CUL1: variants seen among roughly 807,000 people sequenced by gnomAD.
CUL1 encodes cullin-1.
Under a neutral mutation model 118.0 loss-of-function variants are expected in CUL1, and 24 were observed. The ratio of observed to expected loss-of-function variants is 0.20; its 90% CI spans 0.15 to 0.29. The LOEUF (loss-of-function observed/expected upper bound fraction) is 0.29. CUL1 is among the 10% of genes least tolerant of loss of function. The pLI is 1.00. For missense variants in CUL1, 361 were observed against 933.8 expected (o/e 0.39, Z 7.99); for synonymous variants, 332 against 340.4 (o/e 0.98, Z 0.27).
intron 2 of CUL1, among the ~76,000 whole-genome samples, chr7:148,737,992 C>T (rs1242323431): frequency 6.6e-6 from 1 of 152,104 alleles, no homozygotes; most frequent in Non-Finnish European, 1.5e-5. Flanking sequence ...CTTCTTAAGT[C>T]GCATTTGGGA....
At chr7:148,781,101 T>TTTTTTTTTG (rs1800614942) in intron 9 of CUL1, among the ~76,000 whole-genome samples, 1 of 147,796 alleles carries the variant, frequency 6.8e-6, no homozygotes, top group African/African-American at 2.5e-5. Flanking sequence ...TTTTTTTTTT[T>TTTTTTTTTG]GACAGAGTCT....
chr7:148,718,745 T>G (rs1563149055), intron 1 of CUL1, among the ~76,000 whole-genome samples: 1 of 152,114 alleles, frequency 6.6e-6, no homozygotes, highest in Non-Finnish European at 1.5e-5. Flanking sequence ...GGGGTAGATA[T>G]CTGGTAGAAT....
chr7:148,789,921 T>G (rs767137922), intron 15 of CUL1, 95 bp downstream of exon 15: 248 of 1,136,304 alleles, frequency 2.2e-4, no homozygotes, highest in Non-Finnish European at 3.1e-4. Flanking sequence ...GCAGATGGCC[T>G]TCCTGCTGGC....
intron 2 of CUL1, among the ~76,000 whole-genome samples, chr7:148,730,784 A>G (rs750294477): frequency 2.6e-5 from 4 of 152,150 alleles, no homozygotes; most frequent in Non-Finnish European, 5.9e-5. Flanking sequence ...GGGATAGGAC[A>G]TCGAGCAAAA....
intron 2 of CUL1, 124 bp from the exon 3 acceptor site, chr7:148,753,852 A>G: frequency 1.5e-6 from 1 of 670,828 alleles, no homozygotes; most frequent in South Asian, 2.4e-5. Context: ...GTTCCATTCT[A>G]GTTTTTAACA....
At chr7:148,721,451 C>T (rs1254865754) in intron 1 of CUL1, among the ~76,000 whole-genome samples, 1 of 151,960 alleles carries the variant, frequency 6.6e-6, no homozygotes, top group East Asian at 1.9e-4. Context: ...ACCTGTCTCT[C>T]AGCTTTTTTT....
At position 148,709,445 on chromosome 7, in the gene CUL1, G is replaced by C. The variant is rs74695711; in HGVS notation, c.-162+10416G>C. ...CCTCTAAAGTAAGTTTATTATATAT[G>C]AGTTCTTGACGATAACAAAACTATG... On this transcript the variant is annotated intron_variant, in intron 1 of 21. Coordinates refer to ENST00000325222, the MANE Select transcript of CUL1 (RefSeq NM_003592.3). Among the ~76,000 whole-genome samples, 532 of 152,302 alleles carry C rather than the reference G, an allele frequency of 3.5e-3. 5 individuals are homozygous for C. Among genetic ancestry groups the C allele is most frequent in the African/African-American group, 0.012 (504 of 41,538 alleles).
At position 148,757,014 on chromosome 7, in the gene CUL1, T is replaced by C. The variant is rs2129460448; in HGVS notation, c.347T>C (p.Leu116Pro). The change falls in exon 4 of 22, where the codon CTG (leucine) becomes CCG (proline). Residue 116 changes from leucine to proline, a missense_variant. This residue lies in a region of CUL1 where 49 missense variants were observed against 67.4 expected (regional missense o/e 0.73). Coordinates refer to ENST00000325222, the MANE Select transcript of CUL1 (RefSeq NM_003592.3). Reference protein sequence around the residue: ...DGEDLMDESVLKFYTQQWEDY... With the variant: ...DGEDLMDESVPKFYTQQWEDY... ...GAAGATTTGATGGATGAGAGTGTACTGAAATTCTACACTCAACAATGGGAA... is the reference window on the plus strand; with the variant it reads ...GAAGATTTGATGGATGAGAGTGTACCGAAATTCTACACTCAACAATGGGAA... The C allele has an allele frequency of 6.2e-7, 1 of 1,605,276 alleles. No individual in the cohort carries two copies. Among genetic ancestry groups the C allele is most frequent in the African/African-American group, 1.3e-5 (1 of 74,776 alleles).
rs186611880 is a variant in CUL1, at chr7:148,729,382, C to T, written c.-161-580C>T. 5.7e-3 allele frequency among the ~76,000 whole-genome samples: 875 copies of T among 152,250 alleles called. 15 individuals are homozygous for T. The highest frequency in any genetic ancestry group is 0.018 in the African/African-American group (766 of 41,534). Reference sequence around the variant, plus strand: ...ACATGTACCTATCTAGTAGATGTGGCACTGAGCTTCAAACTCAGGTCTCTC... The same window carrying T: ...ACATGTACCTATCTAGTAGATGTGGTACTGAGCTTCAAACTCAGGTCTCTC... On this transcript the variant is annotated intron_variant, in intron 1 of 21. Transcript: ENST00000325222.
rs201502789 is a variant in CUL1, at chr7:148,792,746, T to G, written c.1827T>G (p.Ala609=). ...CAAAGGCGTCGACATTCCAGATGGC[T>G]ATCCTGCTTCAGTACAACACGGAAG... is the stretch of plus-strand genomic sequence containing the variant. ...YTLQASTFQM[A]ILLQYNTEDA... is the part of the protein sequence containing the mutation. Residue 609 remains alanine, a synonymous_variant, in exon 17 of 22, where the codon GCT becomes GCG. Transcript: ENST00000325222. 20 of 1,612,448 alleles carry G rather than the reference T, an allele frequency of 1.2e-5. No homozygotes were observed. The highest frequency in any genetic ancestry group is 1.7e-5 in the Non-Finnish European group (20 of 1,179,402).
intron 2 of CUL1, among the ~76,000 whole-genome samples, chr7:148,745,693 C>T (rs1165389142): frequency 1.3e-5 from 2 of 151,410 alleles, no homozygotes; most frequent in East Asian, 3.9e-4. Flanking sequence ...ATAATTTACG[C>T]AAACGTTGAT....
chr7:148,700,168 ATTTG>A (rs1446891763), intron 1 of CUL1, among the ~76,000 whole-genome samples: 1 of 152,116 alleles, frequency 6.6e-6, no homozygotes, highest in Non-Finnish European at 1.5e-5. Context: ...CTACTTAAAT[ATTTG>A]TTTGCTCTGT....
At chr7:148,714,350 T>C (rs1046978474) in intron 1 of CUL1, among the ~76,000 whole-genome samples, 3 of 152,226 alleles carry the variant, frequency 2.0e-5, no homozygotes, top group Non-Finnish European at 4.4e-5. Flanking sequence ...TTCTCTTTTG[T>C]TTTGCTTTTA....
At chr7:148,735,278 G>C (rs1186319121) in intron 2 of CUL1, among the ~76,000 whole-genome samples, 3 of 152,244 alleles carry the variant, frequency 2.0e-5, no homozygotes, top group Non-Finnish European at 4.4e-5. Context: ...AGCCCTTGGA[G>C]CCTGCGGCTG....
At chr7:148,745,385 GT>G (rs1423784535) in intron 2 of CUL1, among the ~76,000 whole-genome samples, 3 of 152,058 alleles carry the variant, frequency 2.0e-5, no homozygotes, top group Non-Finnish European at 4.4e-5. Flanking sequence ...TCATTTTCCT[GT>G]TTCTTTTACA....
At chr7:148,781,289 G>T (rs1234712969) in intron 9 of CUL1, among the ~76,000 whole-genome samples, 3 of 151,862 alleles carry the variant, frequency 2.0e-5, no homozygotes, top group Non-Finnish European at 4.4e-5. Flanking sequence ...CACCATGTTG[G>T]CCAGGCTGGT....
chr7:148,785,240 A>G (rs1363224144), intron 11 of CUL1, among the ~76,000 whole-genome samples: 4 of 152,168 alleles, frequency 2.6e-5, no homozygotes, highest in Non-Finnish European at 4.4e-5. Flanking sequence ...CTCTCCAGAA[A>G]TGAGAGGGGA....
At chr7:148,729,531 A>G (rs555969691) in intron 1 of CUL1, among the ~76,000 whole-genome samples, 2 of 152,332 alleles carry the variant, frequency 1.3e-5, no homozygotes, top group East Asian at 1.9e-4. Flanking sequence ...TTCTAAGTGA[A>G]GAGCTACTAA....
At chr7:148,775,756 C>G (rs1429731467) in intron 9 of CUL1, among the ~76,000 whole-genome samples, 1 of 151,938 alleles carries the variant, frequency 6.6e-6, no homozygotes, top group Non-Finnish European at 1.5e-5. Context: ...TTTCCCTCCC[C>G]TGAGAAATTC....
Sources: gnomAD v4.1 joint callset for allele counts (sites outside exome capture counted in the v4.1 genomes callset) on GRCh38, gnomAD v4.1.1 for gene constraint, gnomAD v4.1.1 regional missense constraint, MANE v1.5 for transcripts, NCBI Gene and HGNC (gene_info 2026-07-23, HGNC 2026-07-21) for gene names.